MICAL2: variants seen among roughly 807,000 people sequenced by gnomAD.
MICAL2 encodes microtubule associated monooxygenase, calponin and LIM domain containing 2.
In MICAL2, 77 loss-of-function variants were observed where a neutral mutation model predicts 127.3. That is an observed-to-expected ratio of 0.60 (90% CI 0.50 to 0.73). The LOEUF (loss-of-function observed/expected upper bound fraction) is 0.73, where lower values mean the gene tolerates loss of function less well. Ranked by LOEUF, MICAL2 falls within the 30% of genes least tolerant of loss-of-function variation. The pLI, the probability that MICAL2 is intolerant of heterozygous loss-of-function variation, is 0.00. For synonymous variants in MICAL2, 570 were observed against 551.1 expected, an observed-to-expected ratio of 1.03 and a Z score of -0.48; for missense variants, 1,351 against 1,434.4, an observed-to-expected ratio of 0.94 and a Z score of 0.94.
At chr11:12,340,694 T>C (rs1474955330) in intron 32 of MICAL2, among the ~76,000 whole-genome samples, 1 of 152,200 alleles carries the variant, frequency 6.6e-6, no homozygotes, top group Non-Finnish European at 1.5e-5. Context: ...GAATGTTATA[T>C]ATACAGCAGT....
rs900002019 is a variant in MICAL2, at chr11:12,243,936, A to G, written c.2659-51A>G. 6.9e-6 allele frequency: 11 copies of G among 1,604,260 alleles called. No individual in the cohort carries two copies. The Admixed American group carries it at 1.3e-4, about 19-fold the overall frequency. The stretch of plus-strand genomic sequence containing the variant: ...CTGCATGATTGAGGCATGTATCACC[A>G]TGTGTGACTCCTGGGATAATCCTTG... On this transcript the variant is annotated intron_variant, in intron 20 of 27. Transcript: ENST00000683283.
downstream of MICAL2, chr11:12,292,402 C>A (rs1015853384): frequency 1.5e-6 from 2 of 1,293,646 alleles, no homozygotes; most frequent in Admixed American, 1.9e-5. Context: ...ATAGGTCAAC[C>A]TAAGTGCAAA....
At chr11:12,281,571 T>C (rs2279612) in intron 2 of MICAL2, among the ~76,000 whole-genome samples, 65,346 of 152,042 alleles carry the variant, frequency 0.43, 14,817 homozygotes, top group East Asian at 0.78. Flanking sequence ...TTACCAGTGT[T>C]TGGGGCTTGT....
chr11:12,210,201 G>T (rs1855270091), intron 6 of MICAL2, among the ~76,000 whole-genome samples: 1 of 152,062 alleles, frequency 6.6e-6, no homozygotes, highest in Admixed American at 6.6e-5. Flanking sequence ...TCTTTCGTGG[G>T]GTAAGATCCT....
intron 23 of MICAL2, 79 bp downstream of exon 23, chr11:12,255,829 G>A (rs953736011): frequency 5.1e-6 from 6 of 1,167,694 alleles, no homozygotes; most frequent in Non-Finnish European, 7.5e-6. Context: ...ATGTCGAGAG[G>A]ATGCCCTGGC....
chr11:12,334,595 T>TC (rs1256902373), intron 32 of MICAL2, among the ~76,000 whole-genome samples: 10 of 29,708 alleles, frequency 3.4e-4, no homozygotes, highest in African/African-American at 1.1e-3. Flanking sequence ...ATGCTATCCC[T>TC]CCCCCCTCCC....
At chr11:12,253,862 G>C (rs1009576169) in intron 22 of MICAL2, 7 of 152,204 alleles carry the variant, frequency 4.6e-5, no homozygotes, top group African/African-American at 1.2e-4. Context: ...TTCTATGGAG[G>C]CTTCGTTATG....
intron 21 of MICAL2, among the ~76,000 whole-genome samples, chr11:12,247,208 G>A (rs1860876110): frequency 6.6e-6 from 1 of 152,230 alleles, no homozygotes; most frequent in Non-Finnish European, 1.5e-5. Flanking sequence ...CTGTGTGCAT[G>A]TAAACCCTCA....
intron 2 of MICAL2, among the ~76,000 whole-genome samples, chr11:12,138,866 T>C (rs1259121650): frequency 6.6e-6 from 1 of 152,138 alleles, no homozygotes; most frequent in East Asian, 1.9e-4. Context: ...CAAAGCTTCA[T>C]CACAAACAGT....
intron 32 of MICAL2, among the ~76,000 whole-genome samples, chr11:12,335,354 C>CAATGAGTAATAT (rs1555023221): frequency 2.7e-5 from 4 of 149,862 alleles, no homozygotes; most frequent in Non-Finnish European, 3.0e-5. Context: ...TGGATATTAG[C>CAATGAGTAATAT]CCTTTGTCAG....
chr11:12,158,502 GA>G lies in MICAL2; in HGVS notation c.-77-3565del, dbSNP rs5789716. On this transcript the variant is annotated intron_variant, in intron 2 of 27. Coordinates refer to ENST00000683283, the MANE Select transcript of MICAL2 (RefSeq NM_001282663.2). ...CCAACTGTGGATTGAAAATATTCAG[GA>G]AAAAAAAAAAACAGATAATTTCATC... Among the ~76,000 whole-genome samples, 529 of 148,574 alleles carry G rather than the reference GA, an allele frequency of 3.6e-3. 8 individuals are homozygous for G. The highest frequency in any genetic ancestry group is 0.011 in the African/African-American group (429 of 40,468).
downstream of MICAL2, among the ~76,000 whole-genome samples, chr11:12,361,302 C>T (rs1482040131): frequency 6.6e-6 from 1 of 151,984 alleles, no homozygotes; most frequent in African/African-American, 2.4e-5. Flanking sequence ...ATTTAACATC[C>T]TCTGAATGCC....
chr11:12,356,228 T>C (rs2134911559), intron 34 of MICAL2, among the ~76,000 whole-genome samples: 1 of 152,356 alleles, frequency 6.6e-6, no homozygotes, highest in South Asian at 2.1e-4. Flanking sequence ...TTATTCTGTC[T>C]GTACCTGAGC....
chr11:12,291,447 C>A (rs750401615), downstream of MICAL2, among the ~76,000 whole-genome samples: 59 of 152,184 alleles, frequency 3.9e-4, no homozygotes, highest in Non-Finnish European at 6.3e-4. Flanking sequence ...CTCAGCCCCC[C>A]ACAGCACTGA....
intron 24 of MICAL2, among the ~76,000 whole-genome samples, chr11:12,270,717 G>T (rs945313159): frequency 2.0e-5 from 3 of 152,210 alleles, no homozygotes; most frequent in Admixed American, 6.5e-5. Flanking sequence ...TCTGCAGAGA[G>T]AACAGTGGAC....
At chr11:12,349,959 C>A (rs181078621) in intron 33 of MICAL2, 1 of 1,601,432 alleles carries the variant, frequency 6.2e-7, no homozygotes, top group South Asian at 1.1e-5. Flanking sequence ...AACACAGATA[C>A]CAGCGAGTCC....
Position 12,243,986 on chromosome 11 carries a change from G to A in MICAL2, c.2659-1G>A. The A allele has an allele frequency of 6.2e-7, 1 of 1,613,862 alleles. No homozygotes were observed. The highest frequency in any genetic ancestry group is 8.5e-7 in the Non-Finnish European group (1 of 1,179,780). On this transcript the variant is annotated splice_acceptor_variant, in intron 20 of 27. Coordinates refer to ENST00000683283, the MANE Select transcript of MICAL2 (RefSeq NM_001282663.2). LOFTEE classifies it high-confidence loss of function. ...GTTTCTTCTATTTCTGTTCTGTGCAGAATAAACTACTCTCTAAAGGCCTGT... is the reference window on the plus strand; with the variant it reads ...GTTTCTTCTATTTCTGTTCTGTGCAAAATAAACTACTCTCTAAAGGCCTGT...
rs1468597105 is a variant in MICAL2 at position 12,349,903 on chromosome 11, AAATT to A, written c.5585_5588del (p.Leu1862CysfsTer8). On this transcript the variant is annotated frameshift_variant, in exon 33 of 35. Transcript: ENST00000646065. LOFTEE classifies it high-confidence loss of function. The stretch of plus-strand genomic sequence containing the variant: ...GTTTAAGCTGGTTCTGGAGAAGAAT[AAATT>A]AATGCGATATGAGTCGGAGCTCCTA... The A allele has an allele frequency of 6.2e-7, 1 of 1,614,028 alleles. No homozygotes were observed. Among genetic ancestry groups the A allele is most frequent in the African/African-American group, 1.3e-5 (1 of 74,922 alleles).
intron 15 of MICAL2, chr11:12,227,335 A>G (rs745897666): frequency 2.4e-5 from 13 of 541,368 alleles, no homozygotes; most frequent in Admixed American, 1.1e-4. Flanking sequence ...CAATGACTTC[A>G]AAGTGGTTAT....
Sources: gnomAD v4.1 joint callset for allele counts (sites outside exome capture counted in the v4.1 genomes callset) on GRCh38, gnomAD v4.1.1 for gene constraint, MANE v1.5 for transcripts, NCBI Gene and HGNC (gene_info 2026-07-23, HGNC 2026-07-21) for gene names.